The following CELSR2 variants were observed in gnomAD, a reference collection of about 807,000 sequenced individuals.
The protein encoded by CELSR2 is EGF-like protein 2.
CELSR2 carries 81 observed loss-of-function variants against 251.6 expected under a neutral mutation model. The observed-to-expected ratio is 0.32, with a 90% CI of 0.27 to 0.39. The LOEUF is 0.39. Among genes scored for constraint, CELSR2 ranks in the 10% least tolerant of loss-of-function variants. The pLI is 1.00. For synonymous variants in CELSR2, 1,721 were observed against 1,670.5 expected (o/e 1.03, Z -0.74); for missense variants, 3,365 against 3,947.7 (o/e 0.85, Z 3.96).
chr1:109,274,157 G>A lies in CELSR2; in HGVS notation c.*108G>A, dbSNP rs915852734. The A allele has an allele frequency of 1.9e-5, 31 of 1,600,748 alleles. No homozygotes were observed. The highest frequency in any genetic ancestry group is 1.3e-4 in the Admixed American group (8 of 59,698). On this transcript the variant is annotated 3_prime_UTR_variant, in exon 34 of 34. Coordinates refer to ENST00000271332, the MANE Select transcript of CELSR2 (RefSeq NM_001408.3). ...CTGCCCCGCTCCCCATCGCCTGCCC[G>A]CAGCAGCGACGAAACGTCCATCTGA... is the stretch of plus-strand genomic sequence containing the variant.
At chr1:109,272,233 A>C (rs759301653) in intron 28 of CELSR2, 45 bp from the exon 29 acceptor site, 18 of 1,525,222 alleles carry the variant, frequency 1.2e-5, no homozygotes, top group East Asian at 4.6e-5. Context: ...GCCTGGGGCC[A>C]GCCATCCCAC....
chr1:109,250,534 A>G lies in CELSR2; in HGVS notation c.455A>G (p.Gln152Arg), dbSNP rs1655655063. The G allele has an allele frequency of 6.2e-7, 1 of 1,613,692 alleles. No homozygotes were observed. The highest frequency in any genetic ancestry group is 1.3e-5 in the African/African-American group (1 of 74,876). ...RLRCQSCKLA[Q>R]APGLRAGERS... ...AGATGCCAGTCCTGCAAGCTGGCAC[A>G]GGCCCCCGGGCTCAGGGCAGGGGAA... is the stretch of plus-strand genomic sequence containing the variant. Residue 152 changes from glutamine (Q) to arginine (R), a missense_variant, in exon 1 of 34, where the codon CAG becomes CGG. Gln to Arg is a conservative substitution (Grantham distance 43). Transcript: ENST00000271332. This position sits in a 1 kb window ranked among gnomAD's most constrained non-coding sequence, Gnocchi z 4.4.
chr1:109,269,963 A>G lies in CELSR2; in HGVS notation c.7138A>G (p.Thr2380Ala), dbSNP rs1656321343. The G allele has an allele frequency of 6.2e-7, 1 of 1,613,980 alleles. No individual in the cohort carries two copies. Among genetic ancestry groups the G allele is most frequent in the Admixed American group, 1.7e-5 (1 of 60,006 alleles). Residue 2380 changes from threonine to alanine, a missense_variant, in exon 23 of 34, where the codon ACA (threonine) becomes GCA (alanine). This residue lies in a region of CELSR2 where 2,093 missense variants were observed against 2,382.8 expected (regional missense o/e 0.88). Transcript: ENST00000271332. The surrounding 1 kb of genome is among the most constrained non-coding windows in gnomAD (Gnocchi z 6.4). ...GGAGATCCTGCCACTGAAGACACTGACATACGTGGCTCTAGGTGTCACCTT... is the reference window on the plus strand; with the variant it reads ...GGAGATCCTGCCACTGAAGACACTGGCATACGTGGCTCTAGGTGTCACCTT... ...NGEILPLKTLTYVALGVTLAA... is the reference protein window; with the variant it reads ...NGEILPLKTLAYVALGVTLAA...
chr1:109,265,412 C>T (rs1656158448), intron 13 of CELSR2, 101 bp downstream of exon 13: 2 of 1,319,966 alleles, frequency 1.5e-6, no homozygotes, highest in East Asian at 2.4e-5. Context: ...TCCTGTAGAG[C>T]TGAGGGCCTT....
chr1:109,251,337 C>T lies in CELSR2; in HGVS notation c.1258C>T (p.Arg420Ter). 3 of 1,614,100 alleles carry T rather than the reference C, an allele frequency of 1.9e-6. No homozygotes were observed. The highest frequency in any genetic ancestry group is 2.5e-6 in the Non-Finnish European group (3 of 1,180,026). ...TGTGACTCCAGGGGCCCCAGTACTC[C>T]GAGTCACAGCCTCGGATCGAGACAA... Reference protein sequence around the residue: ...EDVTPGAPVLRVTASDRDKGS... With the variant: ...EDVTPGAPVL The change falls in exon 1 of 34, where the codon CGA becomes TGA. Residue 420 changes from arginine (R) to a stop codon, truncating the protein, a stop_gained. Transcript: ENST00000271332. LOFTEE classifies it high-confidence loss of function. This position sits in a 1 kb window ranked among gnomAD's most constrained non-coding sequence, Gnocchi z 4.9.
chr1:109,270,383 G>C, intron 23 of CELSR2, 43 bp from the exon 24 acceptor site: 1 of 1,605,974 alleles, frequency 6.2e-7, no homozygotes, highest in Non-Finnish European at 8.5e-7. Flanking sequence ...CCTGTGCTCT[G>C]GGCGGGCCCC....
In CELSR2 at chr1:109,265,851, T is replaced by C. The variant is rs1656171071; in HGVS notation, c.5844T>C (p.Gly1948=). Residue 1948 remains glycine, a synonymous_variant, in exon 14 of 34, where the codon GGT becomes GGC. Coordinates refer to ENST00000271332, the MANE Select transcript of CELSR2 (RefSeq NM_001408.3). ...ATGGCCAGTGTCCATGCAAGCCAGG[T>C]GTCATCGGGCGTCAGTGTGACCGCT... ...PEDGQCPCKP[G]VIGRQCDRCD... is the part of the protein sequence containing the mutation. 1 of 1,613,998 alleles carries C rather than the reference T, an allele frequency of 6.2e-7. No homozygotes were observed. The highest frequency in any genetic ancestry group is 8.5e-7 in the Non-Finnish European group (1 of 1,180,022).
rs746343874 is a variant in CELSR2 at position 109,270,958 on chromosome 1, C to T, written c.7515C>T (p.Tyr2505=). The change falls in exon 25 of 34, where the codon TAC becomes TAT. Residue 2505 remains tyrosine (Y), a synonymous_variant. Coordinates refer to ENST00000271332, the MANE Select transcript of CELSR2 (RefSeq NM_001408.3). ...GLAVGLDPEG[Y]GNPDFCWLSI... The stretch of plus-strand genomic sequence containing the variant: ...CCGTGGGCCTGGACCCCGAGGGCTA[C>T]GGGAACCCTGACTTCTGCTGGCTCT... 25 of 1,613,834 alleles carry T rather than the reference C, an allele frequency of 1.5e-5. No individual in the cohort carries two copies. Among genetic ancestry groups the T allele is most frequent in the African/African-American group, 8.0e-5 (6 of 74,900 alleles).
intron 28 of CELSR2, 89 bp downstream of exon 28, chr1:109,271,811 T>C (rs1656380305): frequency 6.8e-7 from 1 of 1,475,890 alleles, no homozygotes; most frequent in African/African-American, 1.4e-5. Context: ...CACTCCCCTT[T>C]CTCTTTTCTC....
chr1:109,269,038 G>A lies in CELSR2; in HGVS notation c.6631+30G>A, dbSNP rs756729310. On this transcript the variant is annotated intron_variant, in intron 19 of 33. Transcript: ENST00000271332. The surrounding 1 kb of genome is among the most constrained non-coding windows in gnomAD (Gnocchi z 6.4). ...GTGGTGGCCATGGATTGAGTTGGGA[G>A]CTGGACCCCAGTGTCTGTGCAGACT... The A allele has an allele frequency of 1.1e-5, 17 of 1,602,762 alleles. No homozygotes were observed. Among genetic ancestry groups the A allele is most frequent in the Admixed American group, 3.4e-5 (2 of 59,662 alleles).
intron 28 of CELSR2, 145 bp from the exon 29 acceptor site, chr1:109,272,133 G>C: frequency 7.2e-6 from 8 of 1,106,182 alleles, no homozygotes; most frequent in African/African-American, 1.6e-5. Flanking sequence ...CTCAATATGG[G>C]GACAGCGGAG....
intron 31 of CELSR2, 28 bp from the exon 32 acceptor site, chr1:109,273,138 G>A: frequency 1.2e-6 from 2 of 1,607,694 alleles, no homozygotes; most frequent in Non-Finnish European, 8.5e-7. Context: ...GCCCTCTGTG[G>A]GCCTCATCTA....
rs1201449761 is a variant in CELSR2 at position 109,252,965 on chromosome 1, G to A, written c.2886G>A (p.Glu962=). The change falls in exon 1 of 34, where the codon GAG becomes GAA. Residue 962 remains glutamate, a synonymous_variant. Transcript: ENST00000271332. This position sits in a 1 kb window ranked among gnomAD's most constrained non-coding sequence, Gnocchi z 4.8. Reference sequence around the variant, plus strand: ...CCCAGATTATGTACCAGATTGTGGAGGGCAACATCCCTGAGGTCTTTCAGC... The same window carrying A: ...CCCAGATTATGTACCAGATTGTGGAAGGCAACATCCCTGAGGTCTTTCAGC... The part of the protein sequence containing the change: ...TNAQIMYQIV[E]GNIPEVFQLD... The A allele has an allele frequency of 1.2e-6, 2 of 1,612,554 alleles. No individual in the cohort carries two copies. The highest frequency in any genetic ancestry group is 1.7e-6 in the Non-Finnish European group (2 of 1,179,138).
Position 109,252,946 on chromosome 1 carries a change from T to C in CELSR2, c.2867T>C (p.Ile956Thr). The C allele has an allele frequency of 6.2e-7, 1 of 1,612,690 alleles. No individual in the cohort carries two copies. The highest frequency in any genetic ancestry group is 1.1e-5 in the South Asian group (1 of 90,900). ...TDPDEGTNAQ[I>T]MYQIVEGNIP... ...CCCGATGAAGGCACCAATGCCCAGA[T>C]TATGTACCAGATTGTGGAGGGCAAC... is the stretch of plus-strand genomic sequence containing the variant. The change falls in exon 1 of 34, where the codon ATT becomes ACT. Residue 956 changes from isoleucine to threonine, a missense_variant. Transcript: ENST00000271332. The surrounding 1 kb of genome is among the most constrained non-coding windows in gnomAD (Gnocchi z 4.8).
chr1:109,267,612 G>C lies in CELSR2; in HGVS notation c.6078G>C (p.Thr2026=). ...GWLPPNLFNC[T]SITFSELKGF... ...TCCCCCCAAACCTCTTCAACTGCAC[G>C]TCCATCACCTTCTCAGAACTGAAGG... Residue 2026 remains threonine (T), a synonymous_variant, in exon 16 of 34, where the codon ACG becomes ACC. Coordinates refer to ENST00000271332, the MANE Select transcript of CELSR2 (RefSeq NM_001408.3). The C allele has an allele frequency of 6.2e-7, 1 of 1,614,162 alleles. No homozygotes were observed. The highest frequency in any genetic ancestry group is 2.2e-5 in the East Asian group (1 of 44,870).
In CELSR2 at chr1:109,269,372, C is replaced by T; in HGVS notation, c.6813-52C>T. ...GGCATGGAGGGGGTCGGGGGCGTCT[C>T]CCCAGTCATGTGACTGCCGTGGTGA... is the stretch of plus-strand genomic sequence containing the variant. On this transcript the variant is annotated intron_variant, in intron 20 of 33. Coordinates refer to ENST00000271332, the MANE Select transcript of CELSR2 (RefSeq NM_001408.3). This position sits in a 1 kb window ranked among gnomAD's most constrained non-coding sequence, Gnocchi z 6.4. 6.2e-7 allele frequency: 1 copy of T among 1,609,890 alleles called. No individual in the cohort carries two copies. The highest frequency in any genetic ancestry group is 8.5e-7 in the Non-Finnish European group (1 of 1,177,662).
Position 109,261,978 on chromosome 1 carries a change from G to C in CELSR2, c.4386+82G>C. ...CAGCCCTGAGTGGCATTGCCTCCAGGCTTGGGTGGGCTGGTCAGGGCATTT... is the reference window on the plus strand; with the variant it reads ...CAGCCCTGAGTGGCATTGCCTCCAGCCTTGGGTGGGCTGGTCAGGGCATTT... On this transcript the variant is annotated intron_variant, in intron 5 of 33. Transcript: ENST00000271332. The surrounding 1 kb of genome is among the most constrained non-coding windows in gnomAD (Gnocchi z 4.8). 1 of 1,407,810 alleles carries C rather than the reference G, an allele frequency of 7.1e-7. No individual in the cohort carries two copies. The highest frequency in any genetic ancestry group is 1.8e-4 in the Middle Eastern group (1 of 5,632). 87.2% of individuals were successfully genotyped at this position (1,407,810 alleles called of 1,614,324 possible).
Position 109,258,616 on chromosome 1 carries a change from G to C in CELSR2, c.3495G>C (p.Val1165=), listed in dbSNP as rs760499368. The change falls in exon 2 of 34, where the codon GTG becomes GTC. Residue 1165 remains valine (V), a synonymous_variant. Coordinates refer to ENST00000271332, the MANE Select transcript of CELSR2 (RefSeq NM_001408.3). The part of the protein sequence containing the change: ...ATLATPPDHV[V]VFNVQRDTDA... ...TGGCCACGCCACCGGACCACGTGGTGGTCTTCAACGTACAGCGGGACACCG... is the reference window on the plus strand; with the variant it reads ...TGGCCACGCCACCGGACCACGTGGTCGTCTTCAACGTACAGCGGGACACCG... 6.3e-7 allele frequency: 1 copy of C among 1,577,530 alleles called. No homozygotes were observed. The highest frequency in any genetic ancestry group is 1.2e-5 in the South Asian group (1 of 86,610).
rs772185441 is a variant in CELSR2 at position 109,272,930 on chromosome 1, G to A, written c.8241G>A (p.Glu2747=). The change falls in exon 31 of 34, where the codon GAG becomes GAA. Residue 2747 remains glutamate, a synonymous_variant. Transcript: ENST00000271332. ...CATCAGACAGTGAGGAGGAAGAAGA[G>A]GAGGAGGAAGAGGAGGCCGCCTTCC... ...THSSDSEEEE[E]EEEEEAAFPG... 5 of 1,614,052 alleles carry A rather than the reference G, an allele frequency of 3.1e-6. No individual in the cohort carries two copies. In the Admixed American group the frequency reaches 5.0e-5, roughly 16 times the overall value.
Sources: allele counts gnomAD v4.1 joint callset, GRCh38; gene constraint gnomAD v4.1.1; regional missense constraint gnomAD v4.1.1; non-coding constraint Gnocchi (gnomAD v3.1); transcripts MANE v1.5; gene names NCBI Gene and HGNC (gene_info 2026-07-23, HGNC 2026-07-21).